NFIB: variants seen among roughly 807,000 people sequenced by gnomAD.
The protein encoded by NFIB is nuclear factor I B, also known as nuclear factor 1 B-type.
Under a neutral mutation model 61.5 loss-of-function variants are expected in NFIB, and 11 were observed. The ratio of observed to expected loss-of-function variants is 0.18; its 90% CI spans 0.11 to 0.30. The LOEUF (loss-of-function observed/expected upper bound fraction) is 0.30, where lower values mean the gene tolerates loss of function less well. Ranked by LOEUF, NFIB falls within the 10% of genes least tolerant of loss-of-function variation. NFIB has a pLI of 1.00. For missense variants in NFIB, 471 were observed against 608.9 expected, an observed-to-expected ratio of 0.77 and a Z score of 2.38; for synonymous variants, 260 against 216.5, an observed-to-expected ratio of 1.20 and a Z score of -1.76.
chr9:14,156,625 C>G (rs10120754), intron 3 of NFIB, among the ~76,000 whole-genome samples: 10,045 of 152,168 alleles, frequency 0.066, 947 homozygotes, highest in African/African-American at 0.21. Context: ...GGGCAGGGTC[C>G]ACAGTGGCCA....
At chr9:14,184,370 A>T (rs2047117184) in intron 2 of NFIB, among the ~76,000 whole-genome samples, 1 of 152,188 alleles carries the variant, frequency 6.6e-6, no homozygotes, top group South Asian at 2.1e-4. Flanking sequence ...TCACCAATAC[A>T]TTCAAAATCT....
At chr9:14,097,261 A>G (rs1281037092) in intron 10 of NFIB, among the ~76,000 whole-genome samples, 1 of 152,156 alleles carries the variant, frequency 6.6e-6, no homozygotes, top group African/African-American at 2.4e-5. Context: ...TCCACCTTGA[A>G]CCAAAGATTC....
chr9:14,500,231 A>G, the NFIB span, among the ~76,000 whole-genome samples: 1 of 152,166 alleles, frequency 6.6e-6, no homozygotes, highest in African/African-American at 2.4e-5. Context: ...GGCAGCGAGG[A>G]TTCAAACCCA....
At chr9:14,480,805 GT>G in the NFIB span, among the ~76,000 whole-genome samples, 1 of 152,112 alleles carries the variant, frequency 6.6e-6, no homozygotes. Context: ...AAATAAATCT[GT>G]TTTGTAGACA....
chr9:14,349,947 T>G (rs1441569871), intron 1 of NFIB, among the ~76,000 whole-genome samples: 1 of 152,148 alleles, frequency 6.6e-6, no homozygotes, highest in African/African-American at 2.4e-5. Context: ...CTTCCCCGTG[T>G]GCCCCTTTCT....
chr9:14,168,633 C>T (rs2045206910), intron 3 of NFIB, among the ~76,000 whole-genome samples: 1 of 152,138 alleles, frequency 6.6e-6, no homozygotes, highest in African/African-American at 2.4e-5. Context: ...ATCAGATTTG[C>T]ACATCACCAC....
intron 2 of NFIB, chr9:14,305,880 G>C (rs749962457): frequency 1.3e-6 from 1 of 746,146 alleles, no homozygotes; most frequent in Non-Finnish European, 1.9e-6. Context: ...GTTTGGAAAT[G>C]ACCTACCATC....
At chr9:14,457,542 A>G in the NFIB span, among the ~76,000 whole-genome samples, 2 of 149,980 alleles carry the variant, frequency 1.3e-5, no homozygotes, top group African/African-American at 2.5e-5. Context: ...CAGAGACACA[A>G]AAAACCCTTC....
chr9:14,475,042 C>T, the NFIB span, among the ~76,000 whole-genome samples: 7 of 152,198 alleles, frequency 4.6e-5, no homozygotes, highest in African/African-American at 1.7e-4. Flanking sequence ...TGCAGAAACT[C>T]TCTCACAGAC....
the NFIB span, among the ~76,000 whole-genome samples, chr9:14,515,517 G>C: frequency 6.6e-6 from 1 of 152,200 alleles, no homozygotes; most frequent in African/African-American, 2.4e-5. Context: ...TCTCTAGTGT[G>C]GTGCCAGGAA....
chr9:14,504,201 C>G, the NFIB span, among the ~76,000 whole-genome samples: 4 of 152,176 alleles, frequency 2.6e-5, no homozygotes, highest in East Asian at 1.9e-4. Context: ...TATTTTTACA[C>G]CAGTACCATG....
the NFIB span, among the ~76,000 whole-genome samples, chr9:14,455,831 T>C: frequency 1.2e-4 from 19 of 152,128 alleles, no homozygotes; most frequent in Non-Finnish European, 2.2e-4. Flanking sequence ...AAGAGGAACA[T>C]TCTAAAAAAG....
intron 2 of NFIB, among the ~76,000 whole-genome samples, chr9:14,233,683 G>A (rs1031566494): frequency 2.0e-5 from 3 of 152,100 alleles, no homozygotes; most frequent in African/African-American, 4.8e-5. Flanking sequence ...ACTCGCCTCA[G>A]CCTCCCAAAG....
chr9:14,292,043 C>G (rs1382024933), intron 2 of NFIB, among the ~76,000 whole-genome samples: 7 of 152,142 alleles, frequency 4.6e-5, no homozygotes, highest in Non-Finnish European at 1.0e-4. Context: ...AACCTAGTCT[C>G]TTGAATTAAT....
chr9:14,106,876 G>C (rs78653269), intron 10 of NFIB, among the ~76,000 whole-genome samples: 2,204 of 152,128 alleles, frequency 0.014, 57 homozygotes, highest in African/African-American at 0.05. Flanking sequence ...ACAGGCTGAG[G>C]TACTAACAGT....
chr9:14,119,847 C>T (rs1412978039), intron 8 of NFIB, among the ~76,000 whole-genome samples: 1 of 152,098 alleles, frequency 6.6e-6, no homozygotes, highest in African/African-American at 2.4e-5. Context: ...GCTCATGAGT[C>T]ACTACACTTA....
At chr9:14,255,202 G>C (rs1322462562) in intron 2 of NFIB, among the ~76,000 whole-genome samples, 2 of 152,200 alleles carry the variant, frequency 1.3e-5, no homozygotes, top group African/African-American at 4.8e-5. Context: ...CAACAAGGAT[G>C]ACAAAGTGAA....
the NFIB span, among the ~76,000 whole-genome samples, chr9:14,412,343 A>T: frequency 1.3e-5 from 2 of 152,166 alleles, no homozygotes; most frequent in African/African-American, 4.8e-5. Flanking sequence ...TATCCCTAAT[A>T]CCTAGAGTAG....
At chr9:14,293,266 A>G (rs867343603) in intron 2 of NFIB, among the ~76,000 whole-genome samples, 1 of 152,206 alleles carries the variant, frequency 6.6e-6, no homozygotes, top group Non-Finnish European at 1.5e-5. Context: ...TTTTTCCCTG[A>G]CAATGTGTTA....
Sources: allele counts gnomAD v4.1 joint callset (sites outside exome capture counted in the v4.1 genomes callset), GRCh38; gene constraint gnomAD v4.1.1; transcripts MANE v1.5; gene names NCBI Gene and HGNC (gene_info 2026-07-23, HGNC 2026-07-21).